Variants in PDE11A observed in about 807,000 individuals in gnomAD.
PDE11A encodes the protein phosphodiesterase 11A.
PDE11A carries 100 observed loss-of-function variants against 100.5 expected under a neutral mutation model. That is an observed-to-expected ratio of 1.00 (90% CI 0.85 to 1.18). PDE11A has a LOEUF of 1.18. PDE11A is among the 50% of genes most tolerant of loss of function. The pLI is 0.00. For synonymous variants in PDE11A, 381 were observed against 420.8 expected, an observed-to-expected ratio of 0.91 and a Z score of 1.16; for missense variants, 1,141 against 1,152.6, an observed-to-expected ratio of 0.99 and a Z score of 0.15.
chr2:178,016,304 T>C (rs528965628), intron 1 of PDE11A, among the ~76,000 whole-genome samples: 61 of 152,082 alleles, frequency 4.0e-4, no homozygotes, highest in Admixed American at 1.1e-3. Flanking sequence ...AATGCCATTA[T>C]GAGGCCTGGC....
At chr2:178,053,890 T>C (rs949940674) in intron 1 of PDE11A, among the ~76,000 whole-genome samples, 2 of 152,158 alleles carry the variant, frequency 1.3e-5, no homozygotes, top group Non-Finnish European at 2.9e-5. Flanking sequence ...AAAAATTCCA[T>C]GCTCATGGAT....
At chr2:178,082,464 A>G (rs1360466552) in intron 2 of PDE11A, among the ~76,000 whole-genome samples, 1 of 152,208 alleles carries the variant, frequency 6.6e-6, no homozygotes, top group Non-Finnish European at 1.5e-5. Context: ...TAAGTGTTGC[A>G]GCCTGCAGGG....
At chr2:177,945,548 GC>G (rs2085403462) in intron 2 of PDE11A, among the ~76,000 whole-genome samples, 1 of 149,042 alleles carries the variant, frequency 6.7e-6, no homozygotes, top group African/African-American at 2.5e-5. Context: ...CTGCCCAGCC[GC>G]CCCGTCTGAG....
At chr2:177,872,341 A>G (rs993275311) in intron 5 of PDE11A, among the ~76,000 whole-genome samples, 1 of 152,232 alleles carries the variant, frequency 6.6e-6, no homozygotes, top group Non-Finnish European at 1.5e-5. Flanking sequence ...GAATCCTGTC[A>G]CTAGAGGTGT....
At chr2:177,675,366 G>C (rs1037880891) in intron 17 of PDE11A, 89 bp downstream of exon 17, 2 of 927,840 alleles carry the variant, frequency 2.2e-6, no homozygotes, top group African/African-American at 3.2e-5. Context: ...GGGTTTCAGT[G>C]CCTGGTAGTC....
At chr2:177,752,206 T>G (rs575638850) in intron 10 of PDE11A, among the ~76,000 whole-genome samples, 1 of 152,348 alleles carries the variant, frequency 6.6e-6, no homozygotes, top group South Asian at 2.1e-4. Flanking sequence ...ATACGCATAT[T>G]CTCTTCAATG....
rs1208886283 is a variant in PDE11A at position 177,624,161 on chromosome 2, A to G, written c.*5246T>C. Reference sequence around the variant, plus strand: ...ATTTCAGAGACTGTTACTCTGAAGCAGATAATGAAACTTCATTACAGTGGC... The same window carrying G: ...ATTTCAGAGACTGTTACTCTGAAGCGGATAATGAAACTTCATTACAGTGGC... On this transcript the variant is annotated 3_prime_UTR_variant, in exon 20 of 20. Transcript: ENST00000286063. The G allele has an allele frequency of 6.6e-6, 1 of 152,194 alleles. No homozygotes were observed. Among genetic ancestry groups the G allele is most frequent in the African/African-American group, 2.4e-5 (1 of 41,444 alleles). The allele number at this position is 152,194 out of a possible 1,614,324, so 9.4% of individuals were successfully genotyped here. A position where few individuals can be genotyped will look rare whatever the true frequency, so the allele number is the denominator to read the frequency against.
intron 1 of PDE11A, among the ~76,000 whole-genome samples, chr2:178,107,488 G>GT (rs1191307105): frequency 6.6e-6 from 1 of 150,846 alleles, no homozygotes; most frequent in Non-Finnish European, 1.5e-5. Context: ...GCAAACATTT[G>GT]TATGTGCTTA....
At chr2:177,687,344 A>G (rs1167291008) in intron 15 of PDE11A, 1 of 114,804 alleles carries the variant, frequency 8.7e-6, no homozygotes, top group Non-Finnish European at 1.6e-5. Context: ...GCATCATCAC[A>G]TATATCCTTA....
chr2:177,871,526 AT>A (rs1487760917), intron 5 of PDE11A, among the ~76,000 whole-genome samples: 1,574 of 25,176 alleles, frequency 0.063, 28 homozygotes, highest in African/African-American at 0.15. Flanking sequence ...TCAGTAGTAA[AT>A]TATTATTATT....
At chr2:177,890,865 T>A (rs1023927650) in intron 4 of PDE11A, among the ~76,000 whole-genome samples, 5 of 152,210 alleles carry the variant, frequency 3.3e-5, no homozygotes, top group African/African-American at 1.2e-4. Flanking sequence ...TATGTACCCA[T>A]GTTCTGATAA....
intron 19 of PDE11A, among the ~76,000 whole-genome samples, chr2:177,646,586 GCTCATGGTGT>G (rs2080227681): frequency 1.3e-5 from 2 of 152,196 alleles, no homozygotes; most frequent in Non-Finnish European, 2.9e-5. Flanking sequence ...TGAGTACCAG[GCTCATGGTGT>G]CTTTACATCA....
At chr2:178,020,788 A>ACTCTGT (rs1043032053) in intron 1 of PDE11A, among the ~76,000 whole-genome samples, 1 of 152,048 alleles carries the variant, frequency 6.6e-6, no homozygotes, top group Non-Finnish European at 1.5e-5. Context: ...ACAGAGCAAG[A>ACTCTGT]CTCTGTCTCA....
chr2:178,090,359 G>A (rs12987593), intron 2 of PDE11A, among the ~76,000 whole-genome samples: 15,059 of 151,880 alleles, frequency 0.099, 802 homozygotes, highest in African/African-American at 0.12. Flanking sequence ...CATTGCTATC[G>A]GCAAAGAGAT....
intron 1 of PDE11A, among the ~76,000 whole-genome samples, chr2:178,052,160 T>C (rs1000570554): frequency 1.7e-4 from 26 of 152,148 alleles, no homozygotes; most frequent in African/African-American, 6.0e-4. Flanking sequence ...TATAACAAAC[T>C]GTCTCTCAGA....
intron 2 of PDE11A, among the ~76,000 whole-genome samples, chr2:177,911,531 G>A (rs1021645008): frequency 8.5e-5 from 13 of 152,136 alleles, no homozygotes; most frequent in East Asian, 3.9e-4. Context: ...CCAGTGTTCC[G>A]CCCTTTTCAA....
rs1047097074 is a variant in PDE11A at position 178,100,438 on chromosome 2, T to C, written c.162+3864A>G. 3.3e-5 allele frequency among the ~76,000 whole-genome samples: 5 copies of C among 152,196 alleles called. No individual in the cohort carries two copies. The East Asian group carries it at 9.6e-4, about 29-fold the overall frequency. On this transcript the variant is annotated intron_variant, in intron 2 of 20. Transcript: ENST00000358450. ...CAAAAAAATAAAATATGGTTGACAG[T>C]GCACCACAATTTTTATTAACACTGA...
intron 12 of PDE11A, among the ~76,000 whole-genome samples, chr2:177,719,703 A>G (rs907572957): frequency 1.3e-5 from 2 of 152,140 alleles, no homozygotes; most frequent in African/African-American, 2.4e-5. Context: ...TATTTACAGA[A>G]GAAGCATTTA....
chr2:177,897,690 A>G (rs1206969161), intron 4 of PDE11A, among the ~76,000 whole-genome samples: 1 of 152,142 alleles, frequency 6.6e-6, no homozygotes, highest in Non-Finnish European at 1.5e-5. Context: ...ACCCCCCGAA[A>G]TGCTGAGGGC....
Sources: allele counts gnomAD v4.1 joint callset (sites outside exome capture counted in the v4.1 genomes callset), GRCh38; gene constraint gnomAD v4.1.1; transcripts MANE v1.5; gene names NCBI Gene and HGNC (gene_info 2026-07-23, HGNC 2026-07-21).